Variants in PIWIL1 observed in about 807,000 individuals in gnomAD.
PIWIL1 encodes the protein piwi-like protein 1.
In PIWIL1, 73 loss-of-function variants were observed where a neutral mutation model predicts 114.4. The observed-to-expected ratio is 0.64, with a 90% CI of 0.53 to 0.78. The LOEUF is 0.78. PIWIL1 is among the 30% of genes least tolerant of loss of function. The probability of loss-of-function intolerance (pLI) is 0.00; values close to 1 mark genes in which losing one functional copy is unlikely to be tolerated. For synonymous variants in PIWIL1, 375 were observed against 369.0 expected, an observed-to-expected ratio of 1.02 and a Z score of -0.19; for missense variants, 723 against 1,063.1, an observed-to-expected ratio of 0.68 and a Z score of 4.45.
In PIWIL1 at chr12:130,361,307, T is replaced by G. The variant is rs780952458; in HGVS notation, c.1793T>G (p.Met598Arg). The G allele has an allele frequency of 6.2e-7, 1 of 1,614,208 alleles. No individual in the cohort carries two copies. The highest frequency in any genetic ancestry group is 2.2e-5 in the East Asian group (1 of 44,884). ...ARTLGKQQTVMAIATKIALQM... is the reference protein window; with the variant it reads ...ARTLGKQQTVRAIATKIALQM... The stretch of plus-strand genomic sequence containing the variant: ...ACCTTAGGCAAACAGCAAACTGTCA[T>G]GGCCATTGCTACAAAGATTGCCCTA... Residue 598 changes from methionine to arginine, a missense_variant, in exon 15 of 21, where the codon ATG (methionine) becomes AGG (arginine). This residue lies in a region of PIWIL1 where 298 missense variants were observed against 420.8 expected (regional missense o/e 0.71). Transcript: ENST00000245255.
chr12:130,390,582 T>C, the PIWIL1 span, among the ~76,000 whole-genome samples: 1 of 152,320 alleles, frequency 6.6e-6, no homozygotes, highest in Non-Finnish European at 1.5e-5. Flanking sequence ...ACTTTGCTCC[T>C]TTGGAATTAG....
chr12:130,369,138 A>C (rs1162292747), intron 19 of PIWIL1, among the ~76,000 whole-genome samples: 1 of 152,108 alleles, frequency 6.6e-6, no homozygotes, highest in African/African-American at 2.4e-5. Flanking sequence ...ATAAGTGAGA[A>C]CATGCGGTGT....
the PIWIL1 span, chr12:130,397,961 T>C: frequency 6.5e-6 from 1 of 154,112 alleles, no homozygotes; most frequent in African/African-American, 2.4e-5. Context: ...TATTTGGTTA[T>C]ATAAAATCCT....
intron 11 of PIWIL1, 76 bp from the exon 12 acceptor site, chr12:130,355,477 G>A: frequency 9.3e-7 from 1 of 1,074,504 alleles, no homozygotes. Context: ...TTGTAGGCTG[G>A]AGTGGATATC....
chr12:130,368,201 T>C lies in PIWIL1; in HGVS notation c.2321+943T>C, dbSNP rs527467369. 5.3e-5 allele frequency among the ~76,000 whole-genome samples: 8 copies of C among 152,328 alleles called. No homozygotes were observed. The East Asian group carries it at 1.5e-3, about 29-fold the overall frequency. On this transcript the variant is annotated intron_variant, in intron 19 of 20. Coordinates refer to ENST00000245255, the MANE Select transcript of PIWIL1 (RefSeq NM_004764.5). ...ATGGCAACCCATCAGTCATTCTAAG[T>C]TGACACTGTACTCAGGACAGCGAAT...
Position 130,345,788 on chromosome 12 carries a change from T to A in PIWIL1, c.226T>A (p.Leu76Ile). Residue 76 changes from leucine (L) to isoleucine (I), a missense_variant, in exon 4 of 21, where the codon TTA (leucine) becomes ATA (isoleucine). Physicochemically the swap from Leu to Ile is conservative, Grantham distance 5. Coordinates refer to ENST00000245255, the MANE Select transcript of PIWIL1 (RefSeq NM_004764.5). The stretch of plus-strand genomic sequence containing the variant: ...ATCTGCTGGATTTCAGGAGTTATCG[T>A]TAGCAGAGAGAGGAGGTCGTCGTAG... ...QISAGFQELS[L>I]AERGGRRRDF... 1 of 1,614,088 alleles carries A rather than the reference T, an allele frequency of 6.2e-7. No homozygotes were observed. Among genetic ancestry groups the A allele is most frequent in the South Asian group, 1.1e-5 (1 of 91,080 alleles).
Position 130,371,649 on chromosome 12 carries a change from T to C in PIWIL1, c.*51T>C, listed in dbSNP as rs984704768. The C allele has an allele frequency of 1.8e-5, 21 of 1,166,972 alleles. No homozygotes were observed. The highest frequency in any genetic ancestry group is 2.5e-5 in the Non-Finnish European group (20 of 801,964). The allele number at this position is 1,166,972 out of a possible 1,614,324, so 72.3% of individuals were successfully genotyped here. ...TTCTTTTTGAAATGACTTTGGGATTTTTTTAAGCTTTTATTTACTTTTTTT... is the reference window on the plus strand; with the variant it reads ...TTCTTTTTGAAATGACTTTGGGATTCTTTTAAGCTTTTATTTACTTTTTTT... On this transcript the variant is annotated 3_prime_UTR_variant, in exon 21 of 21. Transcript: ENST00000245255.
At chr12:130,424,967 CG>C in the PIWIL1 span, 2 of 573,996 alleles carry the variant, frequency 3.5e-6, no homozygotes, top group African/African-American at 2.0e-5. The surrounding 1 kb of genome is among the most constrained non-coding windows in gnomAD (Gnocchi z 9.8). Context: ...CTGGAGGCAC[CG>C]AGGGGGGGGA....
chr12:130,354,402 T>A, intron 9 of PIWIL1, 135 bp from the exon 10 acceptor site: 1 of 1,143,828 alleles, frequency 8.7e-7, no homozygotes, highest in Non-Finnish European at 1.3e-6. Context: ...TTTTTAAAAC[T>A]TTACTCTGAA....
At chr12:130,412,524 A>G in the PIWIL1 span, 226 of 1,153,300 alleles carry the variant, frequency 2.0e-4, no homozygotes, top group Non-Finnish European at 6.5e-5. Flanking sequence ...AAATGATGCA[A>G]TTTGGGGTCT....
chr12:130,346,387 G>A lies in PIWIL1; in HGVS notation c.334G>A (p.Val112Ile), dbSNP rs1278896192. Residue 112 changes from valine (V) to isoleucine (I), a missense_variant, in exon 5 of 21, where the codon GTA (valine) becomes ATA (isoleucine). Physicochemically the swap from Val to Ile is conservative, Grantham distance 29. Coordinates refer to ENST00000245255, the MANE Select transcript of PIWIL1 (RefSeq NM_004764.5). ...ESKTGSSGIIVRLSTNHFRLT... is the reference protein window; with the variant it reads ...ESKTGSSGIIIRLSTNHFRLT... ...TTTTCCAGGTTCTTCAGGCATTATA[G>A]TAAGGTTAAGCACTAACCATTTCCG... 1 of 1,613,100 alleles carries A rather than the reference G, an allele frequency of 6.2e-7. No individual in the cohort carries two copies. The highest frequency in any genetic ancestry group is 1.7e-5 in the Admixed American group (1 of 59,996).
intron 9 of PIWIL1, 81 bp from the exon 10 acceptor site, chr12:130,354,456 A>T (rs1395836838): frequency 1.5e-5 from 23 of 1,561,670 alleles, no homozygotes; most frequent in South Asian, 1.2e-4. Context: ...TTATTTTTTT[A>T]AAAAATGAAA....
intron 18 of PIWIL1, among the ~76,000 whole-genome samples, chr12:130,364,321 A>C (rs2073595741): frequency 6.6e-6 from 1 of 152,244 alleles, no homozygotes; most frequent in South Asian, 2.1e-4. Context: ...TCTGAAAGCC[A>C]CTGGCCACAT....
intron 1 of PIWIL1, among the ~76,000 whole-genome samples, chr12:130,340,552 T>C (rs966131159): frequency 1.3e-5 from 2 of 149,126 alleles, no homozygotes; most frequent in Non-Finnish European, 3.0e-5. Flanking sequence ...GCTGTCCTGC[T>C]CACTCACTGC....
At chr12:130,423,077 A>C in the PIWIL1 span, among the ~76,000 whole-genome samples, 2 of 152,204 alleles carry the variant, frequency 1.3e-5, no homozygotes, top group Admixed American at 6.5e-5. Flanking sequence ...TCTACTCCTA[A>C]TCTGAAAATG....
At chr12:130,414,609 G>C in the PIWIL1 span, 41 of 245,488 alleles carry the variant, frequency 1.7e-4, no homozygotes, top group African/African-American at 8.6e-4. Flanking sequence ...CGTGCCAGGG[G>C]CAGGATGGCC....
At chr12:130,367,363 A>C in intron 19 of PIWIL1, 105 bp downstream of exon 19, 1 of 1,074,918 alleles carries the variant, frequency 9.3e-7, no homozygotes, top group Non-Finnish European at 1.3e-6. Flanking sequence ...TTTTGTTCTT[A>C]TATTTTTTAT....
the PIWIL1 span, among the ~76,000 whole-genome samples, chr12:130,378,583 C>T: frequency 0.21 from 31,875 of 151,826 alleles, 3,920 homozygotes; most frequent in African/African-American, 0.34. Flanking sequence ...TTCCCTTTTT[C>T]TTTACAATGC....
At chr12:130,388,496 G>C in the PIWIL1 span, among the ~76,000 whole-genome samples, 674 of 152,270 alleles carry the variant, frequency 4.4e-3, 4 homozygotes, top group African/African-American at 0.016. Context: ...TTCATGAAAA[G>C]TTTAAGATTT....
Sources: gnomAD v4.1 joint callset for allele counts (sites outside exome capture counted in the v4.1 genomes callset) on GRCh38, gnomAD v4.1.1 for gene constraint, gnomAD v4.1.1 regional missense constraint, Gnocchi (gnomAD v3.1) non-coding constraint, MANE v1.5 for transcripts, NCBI Gene and HGNC (gene_info 2026-07-23, HGNC 2026-07-21) for gene names.